The following NOD1 variants were observed in gnomAD, a reference collection of about 807,000 sequenced individuals.
NOD1 encodes nucleotide-binding oligomerization domain-containing protein 1.
Under a neutral mutation model 81.2 loss-of-function variants are expected in NOD1, and 70 were observed. That is an observed-to-expected ratio of 0.86 (90% confidence interval 0.71 to 1.05). NOD1 has a LOEUF of 1.05. NOD1 is among the 50% of genes least tolerant of loss of function. NOD1 has a pLI of 0.00. For missense variants in NOD1, 1,233 were observed against 1,228.0 expected (o/e 1.00, Z -0.06); for synonymous variants, 508 against 526.9 (o/e 0.96, Z 0.49).
In NOD1 at chr7:30,451,557, C is replaced by T. The variant is rs746225574; in HGVS notation, c.1860G>A (p.Leu620=). The T allele has an allele frequency of 2.5e-5, 40 of 1,613,438 alleles. No individual in the cohort carries two copies. The East Asian group carries it at 8.9e-4, about 36-fold the overall frequency. The part of the protein sequence containing the change: ...AAALRRKRKA[L]WAHLFSSLRG... ...GCAGGCTGGAAAACAGGTGTGCCCA[C>T]AGGGCCTTGCGCTTTCTCCTCAGGG... Residue 620 remains leucine, a synonymous_variant, in exon 6 of 14, where the codon CTG becomes CTA. Transcript: ENST00000222823. This position sits in a 1 kb window ranked among gnomAD's most constrained non-coding sequence, Gnocchi z 4.2.
rs760653868 is a variant in NOD1 at position 30,451,512 on chromosome 7, C to T, written c.1905G>A (p.Leu635=). The change falls in exon 6 of 14, where the codon CTG becomes CTA. Residue 635 remains leucine, a synonymous_variant. Coordinates refer to ENST00000222823, the MANE Select transcript of NOD1 (RefSeq NM_006092.4). The surrounding 1 kb of genome is among the most constrained non-coding windows in gnomAD (Gnocchi z 4.2). The part of the protein sequence containing the change: ...FSSLRGYLKS[L]PRVQVESFNQ... The stretch of plus-strand genomic sequence containing the variant: ...TGAAGCTTTCGACCTGAACGCGGGG[C>T]AGGCTCTTCAGGTAGCCCCGCAGGC... 8.7e-6 allele frequency: 14 copies of T among 1,612,986 alleles called. No individual in the cohort carries two copies. Among genetic ancestry groups the T allele is most frequent in the Non-Finnish European group, 1.1e-5 (13 of 1,179,830 alleles).
At chr7:30,429,155 A>G (rs772525925) in intron 13 of NOD1, among the ~76,000 whole-genome samples, 6 of 152,242 alleles carry the variant, frequency 3.9e-5, no homozygotes, top group Non-Finnish European at 8.8e-5. Context: ...GGAATCAGGC[A>G]TTCTGGGCTG....
chr7:30,449,344 T>G (rs1395137803), intron 6 of NOD1, among the ~76,000 whole-genome samples: 2 of 152,212 alleles, frequency 1.3e-5, no homozygotes, highest in African/African-American at 4.8e-5. Context: ...ATCTATACTT[T>G]CTTAGCAATA....
At chr7:30,427,948 C>G (rs11536450) in intron 13 of NOD1, among the ~76,000 whole-genome samples, 35,368 of 152,166 alleles carry the variant, frequency 0.23, 5,620 homozygotes, top group African/African-American at 0.46. Flanking sequence ...TGAGGGCAAA[C>G]ACCCATGCAA....
At chr7:30,437,323 TG>T (rs1226525106) in intron 10 of NOD1, among the ~76,000 whole-genome samples, 1 of 152,196 alleles carries the variant, frequency 6.6e-6, no homozygotes, top group Admixed American at 6.5e-5. Flanking sequence ...CAAATCACCA[TG>T]GCATGCATTT....
At chr7:30,471,696 G>A (rs1788292558) in intron 1 of NOD1, among the ~76,000 whole-genome samples, 1 of 152,218 alleles carries the variant, frequency 6.6e-6, no homozygotes. Context: ...CCATAGCCAG[G>A]GGGCCCTGAC....
chr7:30,429,603 A>G (rs1783769112), intron 12 of NOD1, 146 bp from the exon 13 acceptor site: 2 of 686,528 alleles, frequency 2.9e-6, no homozygotes, highest in African/African-American at 1.8e-5. Flanking sequence ...TCTGGCTAAA[A>G]GTGTCCAGGT....
chr7:30,437,386 T>TA (rs1448020769), intron 10 of NOD1, among the ~76,000 whole-genome samples, 187 bp downstream of exon 10: 2 of 152,170 alleles, frequency 1.3e-5, no homozygotes, highest in East Asian at 1.9e-4. Flanking sequence ...AACTTAAAGT[T>TA]AAAAAAAGAG....
At chr7:30,427,057 ATGT>A (rs1332949834) in intron 13 of NOD1, among the ~76,000 whole-genome samples, 1 of 152,114 alleles carries the variant, frequency 6.6e-6, no homozygotes, top group African/African-American at 2.4e-5. Context: ...CCATGAAGCC[ATGT>A]TGTTCACCAC....
intron 1 of NOD1, among the ~76,000 whole-genome samples, chr7:30,476,729 G>A (rs1212828288): frequency 6.6e-6 from 1 of 152,182 alleles, no homozygotes; most frequent in Non-Finnish European, 1.5e-5. Context: ...CCTATCACAT[G>A]CAGTAAAACT....
chr7:30,469,068 G>A, intron 1 of NOD1: 1 of 985,402 alleles, frequency 1.0e-6, no homozygotes, highest in Non-Finnish European at 1.2e-6. Context: ...AGCTCAAATG[G>A]TGTCCTACTT....
chr7:30,451,606 A>G lies in NOD1; in HGVS notation c.1811T>C (p.Leu604Pro). 1 of 1,613,878 alleles carries G rather than the reference A, an allele frequency of 6.2e-7. No individual in the cohort carries two copies. ...GLLSKAKQKL[L>P]RHLVPAAALR... is the part of the protein sequence containing the mutation. ...GGCTGCCGCGGGCACCAGATGCCGC[A>G]GGAGTTTCTGTTTGGCTTTGGACAA... Residue 604 changes from leucine to proline, a missense_variant, in exon 6 of 14, where the codon CTG becomes CCG. Transcript: ENST00000222823. This position sits in a 1 kb window ranked among gnomAD's most constrained non-coding sequence, Gnocchi z 4.2.
chr7:30,453,709 A>G (rs1011338510), intron 5 of NOD1, among the ~76,000 whole-genome samples: 3 of 152,170 alleles, frequency 2.0e-5, no homozygotes, highest in African/African-American at 7.2e-5. Flanking sequence ...TATATTTGTC[A>G]GTAATTTTTA....
chr7:30,439,116 A>G (rs1438855079), intron 9 of NOD1, among the ~76,000 whole-genome samples: 1 of 152,222 alleles, frequency 6.6e-6, no homozygotes, highest in Non-Finnish European at 1.5e-5. Context: ...AGAAACTAGA[A>G]TGAACTGTTG....
chr7:30,446,095 C>CCA (rs759946927), intron 9 of NOD1, 46 bp downstream of exon 9: 8 of 1,435,560 alleles, frequency 5.6e-6, no homozygotes, highest in African/African-American at 2.8e-5. Context: ...CCGCCCCCCA[C>CCA]ACACACAGCA....
At chr7:30,465,839 G>A (rs1787639563) in intron 1 of NOD1, among the ~76,000 whole-genome samples, 1 of 152,200 alleles carries the variant, frequency 6.6e-6, no homozygotes, top group South Asian at 2.1e-4. Flanking sequence ...GCTCTGTGTA[G>A]TCAGGCCATT....
intron 12 of NOD1, among the ~76,000 whole-genome samples, chr7:30,432,252 A>C (rs1784013223): frequency 6.6e-6 from 1 of 152,238 alleles, no homozygotes; most frequent in Non-Finnish European, 1.5e-5. Flanking sequence ...CCTATAACTC[A>C]GCATTAGAAG....
chr7:30,457,034 G>A lies in NOD1; in HGVS notation c.-113C>T. On this transcript the variant is annotated 5_prime_UTR_variant, in exon 4 of 14. Coordinates refer to ENST00000222823, the MANE Select transcript of NOD1 (RefSeq NM_006092.4). ...CGCCCTCCAGGGCCCCTGCTACTCT[G>A]CGCAGCCCCTGAAGAGATCAATGAC... 2 of 814,478 alleles carry A rather than the reference G, an allele frequency of 2.5e-6. No homozygotes were observed. Among genetic ancestry groups the A allele is most frequent in the South Asian group, 1.5e-5 (1 of 66,898 alleles). 50.5% of individuals were successfully genotyped at this position (814,478 alleles called of 1,614,324 possible).
rs201468134 is a variant in NOD1, at chr7:30,455,351, G to A, written c.202-40C>T. On this transcript the variant is annotated intron_variant, in intron 4 of 13. Coordinates refer to ENST00000222823, the MANE Select transcript of NOD1 (RefSeq NM_006092.4). ...AGCATGAGGGCACGGGCTGGCATGA[G>A]GGGCATCCTCCTACCATAAGGACCC... 66 of 1,568,334 alleles carry A rather than the reference G, an allele frequency of 4.2e-5. No individual in the cohort carries two copies. The Admixed American group carries it at 7.9e-4, about 19-fold the overall frequency.
Sources: gnomAD v4.1 joint callset for allele counts (sites outside exome capture counted in the v4.1 genomes callset) on GRCh38, gnomAD v4.1.1 for gene constraint, Gnocchi (gnomAD v3.1) non-coding constraint, MANE v1.5 for transcripts, NCBI Gene and HGNC (gene_info 2026-07-23, HGNC 2026-07-21) for gene names.